POTEH: variants seen among roughly 807,000 people sequenced by gnomAD.
POTEH encodes the protein POTE ankyrin domain family member H, also known as ANKRD26-like family C member 3.
Under a neutral mutation model 41.7 loss-of-function variants are expected in POTEH, and 6 were observed. The ratio of observed to expected loss-of-function variants is 0.14; its 90% CI spans 0.08 to 0.28. The LOEUF (loss-of-function observed/expected upper bound fraction) is 0.28, where lower values mean the gene tolerates loss of function less well. Ranked by LOEUF, POTEH falls within the 10% of genes least tolerant of loss-of-function variation. The pLI is 1.00. For missense variants in POTEH, 115 were observed against 533.5 expected (o/e 0.22, Z 7.73); for synonymous variants, 38 against 179.9 (o/e 0.21, Z 6.31).
chr22:15,710,591 A>T (rs1413824059), intron 8 of POTEH, among the ~76,000 whole-genome samples: 2 of 152,084 alleles, frequency 1.3e-5, no homozygotes, highest in Non-Finnish European at 2.9e-5. Context: ...AAAGCACAAA[A>T]TAAAGGAGGG....
At chr22:15,693,398 G>T (rs1259608830) in intron 1 of POTEH, among the ~76,000 whole-genome samples, 1 of 152,166 alleles carries the variant, frequency 6.6e-6, no homozygotes, top group African/African-American at 2.4e-5. Context: ...GCTATCTACT[G>T]TGAACTTTTA....
intron 9 of POTEH, among the ~76,000 whole-genome samples, chr22:15,712,591 C>A (rs1383213129): frequency 7.1e-5 from 2 of 28,290 alleles, no homozygotes; most frequent in African/African-American, 2.9e-4. Context: ...TAAAAGTGTC[C>A]TGCATGGGTG....
intron 9 of POTEH, among the ~76,000 whole-genome samples, chr22:15,714,560 C>A (rs1265925916): frequency 2.0e-5 from 3 of 152,040 alleles, no homozygotes; most frequent in African/African-American, 7.3e-5. Context: ...TAGCAGTTCC[C>A]CATGTCTGGA....
rs1222764253 is a variant in POTEH, at chr22:15,714,482, C to G, written c.1520+3448C>G. Among the ~76,000 whole-genome samples the G allele has an allele frequency of 2.6e-5, 4 of 152,132 alleles. No individual in the cohort carries two copies. The East Asian group carries it at 7.7e-4, about 29-fold the overall frequency. ...CTTATCTCTTTTGCTCTGTTTCAGC[C>G]ACACTGAACTTCTTGCTATTCCTTA... On this transcript the variant is annotated intron_variant, in intron 9 of 10. Coordinates refer to ENST00000343518, the MANE Select transcript of POTEH (RefSeq NM_001136213.1).
intron 1 of POTEH, among the ~76,000 whole-genome samples, chr22:15,691,074 C>G (rs1284777172): frequency 2.1e-5 from 3 of 143,962 alleles, no homozygotes; most frequent in Non-Finnish European, 4.7e-5. Flanking sequence ...CATAACACAT[C>G]AACTTCAGGG....
At chr22:15,713,431 GCTC>G (rs1235199825) in intron 9 of POTEH, among the ~76,000 whole-genome samples, 1 of 152,214 alleles carries the variant, frequency 6.6e-6, no homozygotes. Context: ...TGTTTTGCTT[GCTC>G]CTCCTCATCT....
chr22:15,692,916 G>A (rs921841293), intron 1 of POTEH, among the ~76,000 whole-genome samples: 7 of 125,542 alleles, frequency 5.6e-5, no homozygotes, highest in Non-Finnish European at 1.1e-4. Context: ...TTACTCATCA[G>A]TTCCATTATA....
In POTEH at chr22:15,691,981, GATACAT is replaced by G. The variant is rs1327956718; in HGVS notation, c.632+1276_632+1281del. On this transcript the variant is annotated intron_variant, in intron 1 of 10. Coordinates refer to ENST00000343518, the MANE Select transcript of POTEH (RefSeq NM_001136213.1). Reference sequence around the variant, plus strand: ...ACACAAGTGCCTATTTACATATGCAGATACATATATATATATATATATATATAAATT... The same window carrying G: ...ACACAAGTGCCTATTTACATATGCAGATATATATATATATATATATAAATT... 6.6e-3 allele frequency among the ~76,000 whole-genome samples: 807 copies of G among 122,840 alleles called. 54 individuals are homozygous for G. The highest frequency in any genetic ancestry group is 8.9e-3 in the Non-Finnish European group (505 of 57,054). The allele number at this position is 122,840 out of a possible 152,430, so 80.6% of individuals were successfully genotyped here.
At chr22:15,703,616 A>C (rs1360459641) in intron 6 of POTEH, among the ~76,000 whole-genome samples, 4 of 147,394 alleles carry the variant, frequency 2.7e-5, no homozygotes, top group African/African-American at 1.0e-4. Flanking sequence ...TAGGCTCAGC[A>C]GATTATCATA....
intron 1 of POTEH, among the ~76,000 whole-genome samples, chr22:15,692,181 A>G (rs1293100479): frequency 7.5e-6 from 1 of 133,832 alleles, no homozygotes; most frequent in Non-Finnish European, 1.7e-5. Flanking sequence ...ATTGTTTTGT[A>G]TTTTTAGTAG....
rs1350958290 is a variant in POTEH at position 15,690,088 on chromosome 22, A to C, written c.11A>C (p.Glu4Ala). Reference protein sequence around the residue: MVAEAGSMPAASSV... With the variant: MVAAAGSMPAASSV... ...GGCTGTTAAAAGCAGATGGTGGCTGAGGCTGGTTCAATGCCGGCTGCCTCC... is the reference window on the plus strand; with the variant it reads ...GGCTGTTAAAAGCAGATGGTGGCTGCGGCTGGTTCAATGCCGGCTGCCTCC... Residue 4 changes from glutamate to alanine, a missense_variant, in exon 1 of 11, where the codon GAG becomes GCG. By Grantham distance (107) the Glu-to-Ala change is moderately radical. Coordinates refer to ENST00000343518, the MANE Select transcript of POTEH (RefSeq NM_001136213.1). 4 of 1,401,728 alleles carry C rather than the reference A, an allele frequency of 2.9e-6. No homozygotes were observed. The highest frequency in any genetic ancestry group is 4.0e-6 in the Non-Finnish European group (4 of 1,010,352). The allele number at this position is 1,401,728 out of a possible 1,614,324, so 86.8% of individuals were successfully genotyped here. A position where few individuals can be genotyped will look rare whatever the true frequency, so the allele number is the denominator to read the frequency against.
intron 1 of POTEH, among the ~76,000 whole-genome samples, 184 bp downstream of exon 1, chr22:15,690,893 T>TAG (rs1300864743): frequency 7.7e-6 from 1 of 129,838 alleles, no homozygotes; most frequent in Non-Finnish European, 1.8e-5. Context: ...AAACAAAACT[T>TAG]TAGCTGATTT....
chr22:15,720,360 TCA>T (rs1452732357), intron 10 of POTEH, among the ~76,000 whole-genome samples: 2 of 145,552 alleles, frequency 1.4e-5, no homozygotes, highest in African/African-American at 5.2e-5. Context: ...TTCCCCTATT[TCA>T]CAGTTACTAC....
At chr22:15,719,829 CTA>C (rs1158891895) in intron 10 of POTEH, 51 bp downstream of exon 10, 36 of 302,138 alleles carry the variant, frequency 1.2e-4, no homozygotes, top group African/African-American at 7.6e-4. Context: ...TTTTTAAAAA[CTA>C]TGTATTTTGG....
At position 15,690,775 on chromosome 22, in the gene POTEH, G is replaced by A. The variant is rs1250426179; in HGVS notation, c.632+66G>A. The A allele has an allele frequency of 2.6e-5, 36 of 1,388,840 alleles. 2 individuals are homozygous for A. The highest frequency in any genetic ancestry group is 9.2e-5 in the East Asian group (4 of 43,544). The allele number at this position is 1,388,840 out of a possible 1,614,324, so 86.0% of individuals were successfully genotyped here. ...ATGATGGGGACATACCCTCCTGGCCGGGGAGGAGGGGAGCCTGGTTTTCTT... is the reference window on the plus strand; with the variant it reads ...ATGATGGGGACATACCCTCCTGGCCAGGGAGGAGGGGAGCCTGGTTTTCTT... On this transcript the variant is annotated intron_variant, in intron 1 of 10. Transcript: ENST00000343518.
intron 6 of POTEH, among the ~76,000 whole-genome samples, chr22:15,705,385 C>T (rs1212259742): frequency 5.7e-5 from 7 of 121,858 alleles, no homozygotes; most frequent in East Asian, 2.4e-4. Context: ...TGGTGTTATG[C>T]TTTTTTCATT....
rs372896187 is a variant in POTEH at position 15,690,524 on chromosome 22, C to T, written c.447C>T (p.Ser149=). Residue 149 remains serine (S), a synonymous_variant, in exon 1 of 11, where the codon AGC becomes AGT. Coordinates refer to ENST00000343518, the MANE Select transcript of POTEH (RefSeq NM_001136213.1). ...CCHCFPCCRG[S]GKNKVGPWGD... ...ACTGCTTCCCCTGCTGCAGGGGGAG[C>T]GGCAAGAACAAAGTGGGCCCTTGGG... 1.9e-4 allele frequency: 267 copies of T among 1,414,034 alleles called. 24 individuals are homozygous for T. The highest frequency in any genetic ancestry group is 1.7e-3 in the East Asian group (75 of 43,418). The allele number at this position is 1,414,034 out of a possible 1,614,324, so 87.6% of individuals were successfully genotyped here.
intron 9 of POTEH, among the ~76,000 whole-genome samples, chr22:15,712,923 T>C: frequency 6.7e-6 from 1 of 148,954 alleles, no homozygotes. Flanking sequence ...CTAGAAATGT[T>C]CTAGGGGCCT....
intron 9 of POTEH, among the ~76,000 whole-genome samples, chr22:15,713,807 A>G: frequency 6.6e-6 from 1 of 152,298 alleles, no homozygotes; most frequent in East Asian, 1.9e-4. Flanking sequence ...GCCCTTCATG[A>G]CTTTTTCTAC....
Sources: allele counts gnomAD v4.1 joint callset (sites outside exome capture counted in the v4.1 genomes callset), GRCh38; gene constraint gnomAD v4.1.1; transcripts MANE v1.5; gene names NCBI Gene and HGNC (gene_info 2026-07-23, HGNC 2026-07-21).